Variants in TMEM165 observed in about 807,000 individuals in gnomAD.
The protein encoded by TMEM165 is transmembrane protein 165, also known as putative divalent cation/proton antiporter TMEM165.
TMEM165 carries 19 observed loss-of-function variants against 30.0 expected under a neutral mutation model. That is an observed-to-expected ratio of 0.63 (90% confidence interval 0.44 to 0.93). The LOEUF is 0.93. TMEM165 is among the 40% of genes least tolerant of loss of function. The probability of loss-of-function intolerance (pLI) is 0.00; values close to 1 mark genes in which losing one functional copy is unlikely to be tolerated. For synonymous variants in TMEM165, 168 were observed against 162.9 expected (o/e 1.03, Z -0.24); for missense variants, 340 against 417.0 (o/e 0.82, Z 1.61).
At chr4:55,404,385 G>T (rs1721185429) in intron 1 of TMEM165, among the ~76,000 whole-genome samples, 1 of 151,718 alleles carries the variant, frequency 6.6e-6, no homozygotes, top group African/African-American at 2.4e-5. Flanking sequence ...CTTTACTTTA[G>T]TATGTTGTTA....
intron 4 of TMEM165, chr4:55,424,122 G>A (rs1722101867): frequency 6.4e-6 from 1 of 157,408 alleles, no homozygotes; most frequent in South Asian, 2.0e-4. Flanking sequence ...GGAAGCAGAG[G>A]CATACTATTC....
chr4:55,449,337 GATC>G, intron 3 of TMEM165: 1 of 1,423,252 alleles, frequency 7.0e-7, no homozygotes, highest in Non-Finnish European at 9.9e-7. Context: ...TGAAGATTTA[GATC>G]ATTTTTCCCC....
At chr4:55,444,214 A>C (rs1455289595) in intron 3 of TMEM165, among the ~76,000 whole-genome samples, 1 of 152,208 alleles carries the variant, frequency 6.6e-6, no homozygotes, top group Non-Finnish European at 1.5e-5. Flanking sequence ...CCTTTACCAA[A>C]GTCATAGTCT....
Position 55,396,243 on chromosome 4 carries a change from G to A in TMEM165, c.54G>A (p.Leu18=), listed in dbSNP as rs376472202. Residue 18 remains leucine, a synonymous_variant, in exon 1 of 6, where the codon CTG becomes CTA. Coordinates refer to ENST00000381334, the MANE Select transcript of TMEM165 (RefSeq NM_018475.5). ...GCGCATCGGCGCCCCGGCTGCTTCT[G>A]CTCTTTCTGGTTCCGCTGCTGTGGG... ...NGRASAPRLL[L]LFLVPLLWAP... is the part of the protein sequence containing the mutation. The A allele has an allele frequency of 3.3e-5, 49 of 1,500,842 alleles. No individual in the cohort carries two copies. In the African/African-American group the frequency reaches 6.9e-4, roughly 21 times the overall value. 93.0% of individuals were successfully genotyped at this position (1,500,842 alleles called of 1,614,324 possible).
chr4:55,428,457 C>T (rs1722325014), downstream of TMEM165: 1 of 152,212 alleles, frequency 6.6e-6, no homozygotes, highest in African/African-American at 2.4e-5. Context: ...CATTATCCTT[C>T]ATGTGTGTAT....
At chr4:55,402,779 C>T (rs1578229848) in intron 1 of TMEM165, among the ~76,000 whole-genome samples, 1 of 121,084 alleles carries the variant, frequency 8.3e-6, no homozygotes, top group South Asian at 2.8e-4. Context: ...CACATTTTTA[C>T]AACTTTTAAA....
chr4:55,419,523 GTTT>G lies in TMEM165; in HGVS notation c.792+1542_792+1544del, dbSNP rs368441426. 1.5e-3 allele frequency among the ~76,000 whole-genome samples: 222 copies of G among 152,108 alleles called. 2 individuals carry two copies. Among genetic ancestry groups the G allele is most frequent in the African/African-American group, 5.2e-3 (214 of 41,480 alleles). On this transcript the variant is annotated intron_variant, in intron 4 of 5. Coordinates refer to ENST00000381334, the MANE Select transcript of TMEM165 (RefSeq NM_018475.5). ...CCACTTATTTAAAACATGCCCATTGGTTTTTTATTTTTTAATTTTTCTTTTGAT... is the reference window on the plus strand; with the variant it reads ...CCACTTATTTAAAACATGCCCATTGGTTTATTTTTTAATTTTTCTTTTGAT...
At chr4:55,415,260 T>A (rs1312417683) in intron 2 of TMEM165, 1 of 152,220 alleles carries the variant, frequency 6.6e-6, no homozygotes, top group Non-Finnish European at 1.5e-5. Context: ...ACTTATGGAT[T>A]CCTTTTTTCA....
chr4:55,433,483 G>C (rs1000088900), intron 3 of TMEM165: 3 of 152,288 alleles, frequency 2.0e-5, no homozygotes, highest in African/African-American at 7.2e-5. Flanking sequence ...CTTAAGAACT[G>C]GCTTAGCATT....
intron 3 of TMEM165, among the ~76,000 whole-genome samples, chr4:55,449,184 A>C (rs1724211934): frequency 6.8e-6 from 1 of 148,032 alleles, no homozygotes; most frequent in African/African-American, 2.5e-5. Flanking sequence ...AAAAAAAAAA[A>C]CTAACATTTT....
At chr4:55,438,429 A>G (rs1723069029) in intron 3 of TMEM165, 1 of 1,613,866 alleles carries the variant, frequency 6.2e-7, no homozygotes, top group African/African-American at 1.3e-5. Context: ...CAAAAGTAGG[A>G]TATGCAGTCA....
At chr4:55,426,327 C>T (rs964924662), downstream of TMEM165, among the ~76,000 whole-genome samples, 1 of 152,108 alleles carries the variant, frequency 6.6e-6, no homozygotes, top group African/African-American at 2.4e-5. Context: ...GTCACCCTTA[C>T]AGTTCTGTGA....
intron 4 of TMEM165, among the ~76,000 whole-genome samples, chr4:55,419,956 C>T (rs541169954): frequency 2.0e-5 from 3 of 150,662 alleles, no homozygotes; most frequent in African/African-American, 4.9e-5. Flanking sequence ...ATTAGCTGGG[C>T]GTGGTAGCGG....
At chr4:55,429,231 G>T (rs566313240), downstream of TMEM165, 1 of 152,232 alleles carries the variant, frequency 6.6e-6, no homozygotes, top group South Asian at 2.1e-4. Flanking sequence ...ATTTGAAAAC[G>T]TATCTTCAGT....
At chr4:55,412,598 C>G (rs1278755788) in intron 2 of TMEM165, 2 of 151,842 alleles carry the variant, frequency 1.3e-5, no homozygotes, top group Admixed American at 6.6e-5. Flanking sequence ...TAATTTTACT[C>G]TAATGATTAT....
chr4:55,425,361 TTC>T lies in TMEM165; in HGVS notation c.899-7_899-6del, dbSNP rs563916696. 7.4e-4 allele frequency: 1,186 copies of T among 1,605,330 alleles called. 2 individuals carry two copies. The highest frequency in any genetic ancestry group is 9.1e-4 in the Non-Finnish European group (1,064 of 1,173,510). On this transcript the variant is annotated splice_polypyrimidine_tract_variant and intron_variant, in intron 5 of 5. Coordinates refer to ENST00000381334, the MANE Select transcript of TMEM165 (RefSeq NM_018475.5). ...GGAATTTTACTGTATTTGACTTTTT[TTC>T]TCTCTCTTCCAGTGACAATCATAGG... is the stretch of plus-strand genomic sequence containing the variant.
At chr4:55,451,373 T>C (rs1347373675) in intron 3 of TMEM165, among the ~76,000 whole-genome samples, 1 of 152,220 alleles carries the variant, frequency 6.6e-6, no homozygotes, top group Admixed American at 6.5e-5. Flanking sequence ...CCTGGTTTTA[T>C]TCCTAACTTA....
At chr4:55,442,840 C>T (rs780989076) in intron 3 of TMEM165, among the ~76,000 whole-genome samples, 5 of 152,018 alleles carry the variant, frequency 3.3e-5, no homozygotes, top group Admixed American at 6.6e-5. Context: ...GGAAGGCAAG[C>T]TATGACTTTA....
intron 3 of TMEM165, chr4:55,438,153 T>G: frequency 8.3e-7 from 1 of 1,208,778 alleles, no homozygotes; most frequent in Non-Finnish European, 1.2e-6. Flanking sequence ...TCTATCTTTG[T>G]AGAGATTTAA....
Sources: gnomAD v4.1 joint callset for allele counts (sites outside exome capture counted in the v4.1 genomes callset) on GRCh38, gnomAD v4.1.1 for gene constraint, MANE v1.5 for transcripts, NCBI Gene and HGNC (gene_info 2026-07-23, HGNC 2026-07-21) for gene names.